Variants in MARCHF3 observed in about 807,000 individuals in gnomAD.
The protein encoded by MARCHF3 is membrane associated ring-CH-type finger 3.
A neutral mutation model predicts 24.2 loss-of-function variants in MARCHF3; 13 were observed. The observed-to-expected ratio is 0.54, with a 90% CI of 0.35 to 0.85. MARCHF3 has a LOEUF of 0.85. Ranked by LOEUF, MARCHF3 falls within the 40% of genes least tolerant of loss-of-function variation. MARCHF3 has a pLI of 0.01. For synonymous variants in MARCHF3, 144 were observed against 137.3 expected (o/e 1.05, Z -0.34); for missense variants, 276 against 325.0 (o/e 0.85, Z 1.16).
intron 1 of MARCHF3, among the ~76,000 whole-genome samples, chr5:126,997,744 C>A (rs1391317850): frequency 6.6e-6 from 1 of 152,078 alleles, no homozygotes; most frequent in Non-Finnish European, 1.5e-5. Context: ...AAATCTCTTC[C>A]CCCCTTAAAA....
At chr5:126,875,666 T>C (rs74540320) in intron 4 of MARCHF3, among the ~76,000 whole-genome samples, 3,094 of 152,254 alleles carry the variant, frequency 0.02, 74 homozygotes, top group South Asian at 0.12. Context: ...AGCACGTTTT[T>C]CACACCAGTC....
intron 3 of MARCHF3, among the ~76,000 whole-genome samples, chr5:126,911,212 C>A (rs1754517855): frequency 6.6e-6 from 1 of 152,174 alleles, no homozygotes; most frequent in African/African-American, 2.4e-5. Flanking sequence ...GCCCTGCCTC[C>A]ATTTGCCTTG....
At chr5:126,894,357 C>T (rs189543065) in intron 3 of MARCHF3, among the ~76,000 whole-genome samples, 42 of 146,706 alleles carry the variant, frequency 2.9e-4, no homozygotes, top group Middle Eastern at 3.5e-3. Context: ...TTATTTTGCT[C>T]GTTAGTTGCA....
At chr5:126,985,675 C>T (rs1375935325) in intron 1 of MARCHF3, among the ~76,000 whole-genome samples, 2 of 152,158 alleles carry the variant, frequency 1.3e-5, no homozygotes, top group East Asian at 1.9e-4. Flanking sequence ...CAGGGTTTCA[C>T]CATGTTGGCC....
At chr5:127,015,338 G>A (rs1455462935) in intron 1 of MARCHF3, among the ~76,000 whole-genome samples, 1 of 152,186 alleles carries the variant, frequency 6.6e-6, no homozygotes, top group Non-Finnish European at 1.5e-5. Flanking sequence ...CAGAGCTTTT[G>A]AGATCACCTG....
At chr5:126,950,228 C>G (rs2126815063) in intron 1 of MARCHF3, among the ~76,000 whole-genome samples, 1 of 152,332 alleles carries the variant, frequency 6.6e-6, no homozygotes, top group Middle Eastern at 3.4e-3. Flanking sequence ...GCCTGCACTC[C>G]TGCTACTGAT....
intron 3 of MARCHF3, among the ~76,000 whole-genome samples, chr5:126,906,676 T>C (rs1162473318): frequency 6.6e-6 from 1 of 152,206 alleles, no homozygotes; most frequent in Admixed American, 6.5e-5. Flanking sequence ...CCCTTTATCA[T>C]TTTTTATTGT....
chr5:126,876,932 G>A (rs192678208), intron 4 of MARCHF3, among the ~76,000 whole-genome samples: 78 of 152,318 alleles, frequency 5.1e-4, no homozygotes, highest in Non-Finnish European at 7.6e-4. Flanking sequence ...TTACAGGCAT[G>A]AGCCACCGCG....
chr5:126,892,878 T>C (rs1753745634), intron 3 of MARCHF3, among the ~76,000 whole-genome samples: 1 of 151,644 alleles, frequency 6.6e-6, no homozygotes, highest in Admixed American at 6.6e-5. Context: ...CAGTTCCTCC[T>C]TGTACCTCTG....
chr5:127,004,196 T>A (rs966236285), intron 1 of MARCHF3, among the ~76,000 whole-genome samples: 1 of 152,200 alleles, frequency 6.6e-6, no homozygotes, highest in Non-Finnish European at 1.5e-5. Flanking sequence ...CAATCCACCT[T>A]GTTTTTATTA....
chr5:126,896,096 C>T (rs1462064984), intron 3 of MARCHF3, among the ~76,000 whole-genome samples: 1 of 152,188 alleles, frequency 6.6e-6, no homozygotes, highest in Non-Finnish European at 1.5e-5. Flanking sequence ...TCACCCCTTT[C>T]TTTGACTCAG....
intron 1 of MARCHF3, among the ~76,000 whole-genome samples, chr5:126,953,533 G>A (rs78593640): frequency 0.016 from 2,404 of 152,026 alleles, 66 homozygotes; most frequent in South Asian, 0.12. Context: ...TCAATGGTAC[G>A]TAAGTTCTAG....
chr5:126,975,848 T>A (rs538100546), intron 1 of MARCHF3, among the ~76,000 whole-genome samples: 1 of 152,332 alleles, frequency 6.6e-6, no homozygotes, highest in East Asian at 1.9e-4. Flanking sequence ...TCAACAAAAT[T>A]TAAAGTCCTT....
At chr5:126,927,785 GTTGTTCTGT>G (rs1232419919) in intron 1 of MARCHF3, among the ~76,000 whole-genome samples, 1 of 152,012 alleles carries the variant, frequency 6.6e-6, no homozygotes, top group Non-Finnish European at 1.5e-5. Flanking sequence ...AAATATCTGT[GTTGTTCTGT>G]TTGTTTGTTT....
At chr5:126,882,364 T>G (rs1753372075) in intron 3 of MARCHF3, among the ~76,000 whole-genome samples, 1 of 152,194 alleles carries the variant, frequency 6.6e-6, no homozygotes, top group Non-Finnish European at 1.5e-5. Context: ...TTCAGAAAAT[T>G]TTCTTAGGCT....
In MARCHF3 at chr5:126,870,615, C is replaced by T. The variant is rs776829667; in HGVS notation, c.*18G>A. Reference sequence around the variant, plus strand: ...AACCCCAAACAATGAATCAAACAACCAACCAACCATACAAACATCAAACAA... The same window carrying T: ...AACCCCAAACAATGAATCAAACAACTAACCAACCATACAAACATCAAACAA... On this transcript the variant is annotated 3_prime_UTR_variant, in exon 5 of 5. Coordinates refer to ENST00000308660, the MANE Select transcript of MARCHF3 (RefSeq NM_178450.5). 7 of 1,612,802 alleles carry T rather than the reference C, an allele frequency of 4.3e-6. No individual in the cohort carries two copies. Among genetic ancestry groups the T allele is most frequent in the South Asian group, 1.1e-5 (1 of 91,014 alleles).
intron 4 of MARCHF3, among the ~76,000 whole-genome samples, chr5:126,876,252 C>G (rs1189887863): frequency 6.6e-6 from 1 of 152,170 alleles, no homozygotes; most frequent in Non-Finnish European, 1.5e-5. Context: ...TTCAGAAAGG[C>G]CTTACATTGG....
chr5:126,887,542 T>C (rs1753547566), intron 3 of MARCHF3, among the ~76,000 whole-genome samples: 1 of 152,246 alleles, frequency 6.6e-6, no homozygotes, highest in South Asian at 2.1e-4. Context: ...TGTAAATGGC[T>C]TCCTTTGCAT....
chr5:126,962,751 T>G (rs1750678140), intron 1 of MARCHF3, among the ~76,000 whole-genome samples: 1 of 151,200 alleles, frequency 6.6e-6, no homozygotes, highest in African/African-American at 2.4e-5. Context: ...TCCCAGAAAC[T>G]GAAAAAAATC....
Sources: allele counts gnomAD v4.1 joint callset (sites outside exome capture counted in the v4.1 genomes callset), GRCh38; gene constraint gnomAD v4.1.1; transcripts MANE v1.5; gene names NCBI Gene and HGNC (gene_info 2026-07-23, HGNC 2026-07-21).